SPTBN2: variants seen among roughly 807,000 people sequenced by gnomAD.
SPTBN2 encodes the protein spectrin beta, non-erythrocytic 2.
Under a neutral mutation model 284.2 loss-of-function variants are expected in SPTBN2, and 107 were observed. The ratio of observed to expected loss-of-function variants is 0.38; its 90% CI spans 0.32 to 0.44. SPTBN2 has a LOEUF of 0.44. Ranked by LOEUF, SPTBN2 falls within the 20% of genes least tolerant of loss-of-function variation. The pLI, the probability that SPTBN2 is intolerant of heterozygous loss-of-function variation, is 1.00. For missense variants in SPTBN2, 2,569 were observed against 3,287.1 expected, an observed-to-expected ratio of 0.78 and a Z score of 5.34; for synonymous variants, 1,289 against 1,354.8, an observed-to-expected ratio of 0.95 and a Z score of 1.07.
At position 66,701,171 on chromosome 11, in the gene SPTBN2, C is replaced by A. The variant is rs1202334757; in HGVS notation, c.2928G>T (p.Glu976Asp). 1 of 1,613,050 alleles carries A rather than the reference C, an allele frequency of 6.2e-7. No individual in the cohort carries two copies. The highest frequency in any genetic ancestry group is 1.3e-5 in the African/African-American group (1 of 74,946). ...ECTETQAWMR[E>D]KTKVIESTQG... is the part of the protein sequence containing the mutation. ...GGGTGGACTCGATGACTTTGGTCTT[C>A]TCTCTCATCCAGGCCTGGGTCTCCG... Residue 976 changes from glutamate (E) to aspartate (D), a missense_variant, in exon 17 of 38, where the codon GAG becomes GAT. Glu to Asp is a conservative substitution (Grantham distance 45). Coordinates refer to ENST00000533211, the MANE Select transcript of SPTBN2 (RefSeq NM_006946.4).
In SPTBN2 at chr11:66,707,443, G is replaced by T. The variant is rs1189187288; in HGVS notation, c.1653+73C>A. The stretch of plus-strand genomic sequence containing the variant: ...TCCACAGAGATCGGCCGAGCAGACG[G>T]GCGGACGCACCCACTGTGGGGCCCC... On this transcript the variant is annotated intron_variant, in intron 13 of 37. Transcript: ENST00000533211. The surrounding 1 kb of genome is among the most constrained non-coding windows in gnomAD (Gnocchi z 4.9). 6.1e-6 allele frequency: 9 copies of T among 1,485,254 alleles called. No individual in the cohort carries two copies. The allele number at this position is 1,485,254 out of a possible 1,614,324, so 92.0% of individuals were successfully genotyped here.
Position 66,693,638 on chromosome 11 carries a change from C to A in SPTBN2, c.4593+134G>T. Reference sequence around the variant, plus strand: ...CTCCTACTGAGAGGACCCACCCTCCCAAGGTGAGGAAAGACAGCCACTGAA... The same window carrying A: ...CTCCTACTGAGAGGACCCACCCTCCAAAGGTGAGGAAAGACAGCCACTGAA... On this transcript the variant is annotated intron_variant, in intron 23 of 37. Coordinates refer to ENST00000533211, the MANE Select transcript of SPTBN2 (RefSeq NM_006946.4). This position sits in a 1 kb window ranked among gnomAD's most constrained non-coding sequence, Gnocchi z 5.7. 7.6e-7 allele frequency: 1 copy of A among 1,312,336 alleles called. No homozygotes were observed. Among genetic ancestry groups the A allele is most frequent in the Non-Finnish European group, 1.1e-6 (1 of 941,826 alleles). The allele number at this position is 1,312,336 out of a possible 1,614,324, so 81.3% of individuals were successfully genotyped here. A position where few individuals can be genotyped will look rare whatever the true frequency, so the allele number is the denominator to read the frequency against.
Position 66,709,027 on chromosome 11 carries a change from AG to A in SPTBN2, c.1074-9del. On this transcript the variant is annotated splice_polypyrimidine_tract_variant and intron_variant, in intron 10 of 37. Coordinates refer to ENST00000533211, the MANE Select transcript of SPTBN2 (RefSeq NM_006946.4). The stretch of plus-strand genomic sequence containing the variant: ...TTCCCTTTCTCGGTAAACCTGAGGC[AG>A]GAGGCCGGGTTGGGGTCAGAATTAA... 1 of 1,613,210 alleles carries A rather than the reference AG, an allele frequency of 6.2e-7. No individual in the cohort carries two copies. The highest frequency in any genetic ancestry group is 8.5e-7 in the Non-Finnish European group (1 of 1,179,198).
intron 1 of SPTBN2, among the ~76,000 whole-genome samples, chr11:66,725,532 G>A (rs1243034927): frequency 6.6e-6 from 1 of 152,076 alleles, no homozygotes; most frequent in Non-Finnish European, 1.5e-5. Context: ...CAGCCCCCCA[G>A]CTTCATGACC....
At chr11:66,727,703 C>T (rs1321440223) in intron 1 of SPTBN2, among the ~76,000 whole-genome samples, 1 of 152,224 alleles carries the variant, frequency 6.6e-6, no homozygotes, top group South Asian at 2.1e-4. Context: ...GAGCCAGCTG[C>T]CAAAGAGGCG....
chr11:66,720,825 G>A lies in SPTBN2; in HGVS notation c.157+259C>T, dbSNP rs143547131. ...TGACCCGGGGGCTGAGGCCAGAGAG[G>A]GAAGCTGTTTTAGTCAGCTCAGCCA... On this transcript the variant is annotated intron_variant, in intron 3 of 37. Coordinates refer to ENST00000533211, the MANE Select transcript of SPTBN2 (RefSeq NM_006946.4). Among the ~76,000 whole-genome samples, 889 of 152,226 alleles carry A rather than the reference G, an allele frequency of 5.8e-3. 10 individuals carry two copies. The highest frequency in any genetic ancestry group is 7.9e-3 in the Non-Finnish European group (535 of 68,004).
chr11:66,701,411 C>T (rs1941239702), intron 16 of SPTBN2, 129 bp from the exon 17 acceptor site: 14 of 1,503,526 alleles, frequency 9.3e-6, no homozygotes, highest in Non-Finnish European at 1.2e-5. Context: ...CTTCAGACCA[C>T]CTTGACCCCC....
rs576047228 is a variant in SPTBN2 at position 66,735,596 on chromosome 11, C to T, written c.-474-6404G>A. ...GCATGGTGGTGTATGCCTATGGTCC[C>T]AGATACTTGGGTGGTAGAGGTGGGA... On this transcript the variant is annotated intron_variant, in intron 1 of 37. Coordinates refer to the SPTBN2 transcript ENST00000611817. 2.0e-5 allele frequency among the ~76,000 whole-genome samples: 3 copies of T among 152,194 alleles called. No homozygotes were observed. In the South Asian group the frequency reaches 6.2e-4, roughly 32 times the overall value.
Position 66,687,342 on chromosome 11 carries a change from T to C in SPTBN2, c.6722+85A>G. 6.4e-7 allele frequency: 1 copy of C among 1,564,162 alleles called. No individual in the cohort carries two copies. Among genetic ancestry groups the C allele is most frequent in the Non-Finnish European group, 8.7e-7 (1 of 1,148,290 alleles). The stretch of plus-strand genomic sequence containing the variant: ...CAAGTCCTACCCTTTGCCCAGAAGA[T>C]GTACTCTAAAGGGCATCCCTCCCTC... On this transcript the variant is annotated intron_variant, in intron 35 of 37. Coordinates refer to ENST00000533211, the MANE Select transcript of SPTBN2 (RefSeq NM_006946.4). This position sits in a 1 kb window ranked among gnomAD's most constrained non-coding sequence, Gnocchi z 5.2.
chr11:66,704,537 A>C, intron 15 of SPTBN2, 61 bp downstream of exon 15: 7 of 1,564,660 alleles, frequency 4.5e-6, no homozygotes, highest in Non-Finnish European at 6.1e-6. Context: ...CACCACCCAC[A>C]TCCTGGCCCC....
In SPTBN2 at chr11:66,710,825, T is replaced by C; in HGVS notation, c.886-56A>G. 6.2e-7 allele frequency: 1 copy of C among 1,611,968 alleles called. No individual in the cohort carries two copies. The highest frequency in any genetic ancestry group is 1.1e-5 in the South Asian group (1 of 90,976). On this transcript the variant is annotated intron_variant, in intron 9 of 37. Transcript: ENST00000533211. This position sits in a 1 kb window ranked among gnomAD's most constrained non-coding sequence, Gnocchi z 4.9. ...CCCAGCCACAGGGTCCCTGGCCCAGTCCTGCAGCTCCACCCTGCCCTTGCA... is the reference window on the plus strand; with the variant it reads ...CCCAGCCACAGGGTCCCTGGCCCAGCCCTGCAGCTCCACCCTGCCCTTGCA...
intron 21 of SPTBN2, among the ~76,000 whole-genome samples, chr11:66,695,774 G>C (rs917958477): frequency 1.3e-5 from 2 of 151,690 alleles, no homozygotes; most frequent in African/African-American, 4.8e-5. Context: ...GGCTTGCCCA[G>C]GCTGGAGTGC....
upstream of SPTBN2, among the ~76,000 whole-genome samples, chr11:66,733,858 G>A (rs1942833065): frequency 6.6e-6 from 1 of 151,900 alleles, no homozygotes; most frequent in South Asian, 2.1e-4. Flanking sequence ...GGCGCCTGTA[G>A]TCCCAGCTAC....
chr11:66,695,406 C>A (rs898718449), intron 21 of SPTBN2, among the ~76,000 whole-genome samples: 1 of 152,172 alleles, frequency 6.6e-6, no homozygotes, highest in Non-Finnish European at 1.5e-5. Context: ...CAGGCACACA[C>A]CACCACCACG....
rs150889747 is a variant in SPTBN2 at position 66,701,126 on chromosome 11, C to T, written c.2973G>A (p.Leu991=). The T allele has an allele frequency of 4.5e-5, 73 of 1,613,162 alleles. No homozygotes were observed. The African/African-American group carries it at 8.8e-4, about 19-fold the overall frequency. The stretch of plus-strand genomic sequence containing the variant: ...TGCGCTGCAGGGCCAGCACCCCAGC[C>T]AGATCGTTGCCTAGGCCCTGGGTGG... ...IESTQGLGND[L]AGVLALQRKL... The change falls in exon 17 of 38, where the codon CTG becomes CTA. Residue 991 remains leucine (L), a synonymous_variant. Transcript: ENST00000533211.
Position 66,686,842 on chromosome 11 carries a change from C to A in SPTBN2, c.6896+152G>T, listed in dbSNP as rs549521171. The stretch of plus-strand genomic sequence containing the variant: ...GGTGTGGAGACAACCAGAATCTCCG[C>A]CTCCCTCATCTACACTATCCCCAAG... On this transcript the variant is annotated intron_variant, in intron 36 of 37. Transcript: ENST00000533211. The A allele has an allele frequency of 1.8e-5, 18 of 1,006,508 alleles. No homozygotes were observed. In the African/African-American group the frequency reaches 2.4e-4, roughly 13 times the overall value. The allele number at this position is 1,006,508 out of a possible 1,614,324, so 62.3% of individuals were successfully genotyped here.
Position 66,715,167 on chromosome 11 carries a change from T to A in SPTBN2, c.483+55A>T. On this transcript the variant is annotated intron_variant, in intron 5 of 37. Transcript: ENST00000533211. The surrounding 1 kb of genome is among the most constrained non-coding windows in gnomAD (Gnocchi z 5.3). ...GTGTCATGGGCCAGCAGGAACGGCT[T>A]GCGGTGCAGAGCCAGGGCAGGAACC... 6.2e-7 allele frequency: 1 copy of A among 1,600,110 alleles called. No homozygotes were observed. The highest frequency in any genetic ancestry group is 8.6e-7 in the Non-Finnish European group (1 of 1,167,528).
At chr11:66,727,352 G>C (rs572044655) in intron 1 of SPTBN2, among the ~76,000 whole-genome samples, 6 of 152,232 alleles carry the variant, frequency 3.9e-5, no homozygotes, top group African/African-American at 1.2e-4. Flanking sequence ...GCTCCGAGAG[G>C]GGGAGGGCAG....
At position 66,703,756 on chromosome 11, in the gene SPTBN2, A is replaced by G. The variant is rs925666731; in HGVS notation, c.2678+842T>C. 2.6e-5 allele frequency among the ~76,000 whole-genome samples: 4 copies of G among 151,850 alleles called. No homozygotes were observed. In the South Asian group the frequency reaches 6.2e-4, roughly 24 times the overall value. ...CATCTCAAAAAAAAAAGAAATTCCT[A>G]ATTTTGTTCTATGTGATAATGGTAT... is the stretch of plus-strand genomic sequence containing the variant. On this transcript the variant is annotated intron_variant, in intron 15 of 37. Coordinates refer to ENST00000533211, the MANE Select transcript of SPTBN2 (RefSeq NM_006946.4).
Sources: allele counts gnomAD v4.1 joint callset (sites outside exome capture counted in the v4.1 genomes callset), GRCh38; gene constraint gnomAD v4.1.1; non-coding constraint Gnocchi (gnomAD v3.1); transcripts MANE v1.5; gene names NCBI Gene and HGNC (gene_info 2026-07-23, HGNC 2026-07-21).